The following TRPM2 variants were observed in gnomAD, a reference collection of about 807,000 sequenced individuals.
The protein encoded by TRPM2 is estrogen-responsive element-associated gene 1 protein.
TRPM2 carries 161 observed loss-of-function variants against 174.0 expected under a neutral mutation model. The observed-to-expected ratio is 0.93, with a 90% CI of 0.81 to 1.05. The LOEUF is 1.05. Ranked by LOEUF, TRPM2 falls within the 50% of genes least tolerant of loss-of-function variation. The pLI is 0.00. For missense variants in TRPM2, 2,057 were observed against 2,038.0 expected (o/e 1.01, Z -0.18); for synonymous variants, 954 against 861.3 (o/e 1.11, Z -1.88).
At position 44,377,694 on chromosome 21, in the gene TRPM2, G is replaced by C. The variant is rs2048746737; in HGVS notation, c.953-18G>C. ...TTTGTTTAGGTGTGGCCCTCACTCG[G>C]CTGTGTGCTTTTTCTAGGTGTGGCC... On this transcript the variant is annotated intron_variant, in intron 6 of 31. Transcript: ENST00000397928. 1 of 1,613,728 alleles carries C rather than the reference G, an allele frequency of 6.2e-7. No individual in the cohort carries two copies.
chr21:44,391,747 A>G lies in TRPM2; in HGVS notation c.1794+122A>G. The G allele has an allele frequency of 2.1e-6, 2 of 971,202 alleles. No individual in the cohort carries two copies. The highest frequency in any genetic ancestry group is 2.9e-6 in the Non-Finnish European group (2 of 682,628). The allele number at this position is 971,202 out of a possible 1,614,324, so 60.2% of individuals were successfully genotyped here. ...TTAGAAAAGACACATGCTCTATCTT[A>G]GGCTGCTTGGGCTGCTGTAACAAAA... On this transcript the variant is annotated intron_variant, in intron 11 of 31. Coordinates refer to ENST00000397928, the MANE Select transcript of TRPM2 (RefSeq NM_003307.4). The surrounding 1 kb of genome is among the most constrained non-coding windows in gnomAD (Gnocchi z 5.0).
chr21:44,421,249 C>T (rs1047918470), intron 22 of TRPM2, among the ~76,000 whole-genome samples: 46 of 151,724 alleles, frequency 3.0e-4, no homozygotes, highest in African/African-American at 1.0e-3. Flanking sequence ...ACCCAGGAGG[C>T]GGAGGTTGCA....
intron 19 of TRPM2, among the ~76,000 whole-genome samples, chr21:44,409,990 G>A (rs562021879): frequency 5.3e-5 from 8 of 151,248 alleles, no homozygotes; most frequent in African/African-American, 1.5e-4. Context: ...CTTGGTTGGC[G>A]TAGCCTTGTA....
intron 4 of TRPM2, among the ~76,000 whole-genome samples, chr21:44,368,277 G>A (rs549788595): frequency 6.6e-6 from 1 of 152,220 alleles, no homozygotes; most frequent in African/African-American, 2.4e-5. Flanking sequence ...ATGCCACCAT[G>A]CCAGGCTAAT....
intron 19 of TRPM2, among the ~76,000 whole-genome samples, chr21:44,413,383 T>A (rs2050170393): frequency 6.6e-6 from 1 of 151,916 alleles, no homozygotes; most frequent in African/African-American, 2.4e-5. Flanking sequence ...GCTGGGATTA[T>A]AGGCGCCCGC....
At chr21:44,368,123 CATCT>C (rs757411683) in intron 4 of TRPM2, among the ~76,000 whole-genome samples, 8 of 152,304 alleles carry the variant, frequency 5.3e-5, no homozygotes, top group Non-Finnish European at 5.9e-5. Flanking sequence ...TCCATCCATC[CATCT>C]ATTTATTTTT....
chr21:44,363,833 TC>T (rs1342882659), intron 2 of TRPM2, among the ~76,000 whole-genome samples: 1 of 151,806 alleles, frequency 6.6e-6, no homozygotes, highest in Non-Finnish European at 1.5e-5. Flanking sequence ...AGGAAGGAGG[TC>T]CCCCCATCAC....
At chr21:44,440,109 G>A (rs886737418) in intron 30 of TRPM2, among the ~76,000 whole-genome samples, 4 of 151,246 alleles carry the variant, frequency 2.6e-5, no homozygotes, top group African/African-American at 7.3e-5. Flanking sequence ...GGCTGAGGTG[G>A]GTAGATCACT....
At chr21:44,403,760 C>T (rs1369637627) in intron 16 of TRPM2, among the ~76,000 whole-genome samples, 1 of 151,382 alleles carries the variant, frequency 6.6e-6, no homozygotes, top group African/African-American at 2.4e-5. Flanking sequence ...CACACACATG[C>T]ATACACATAT....
chr21:44,369,298 C>G lies in TRPM2; in HGVS notation c.726C>G (p.Ala242=). The G allele has an allele frequency of 4.3e-6, 7 of 1,613,670 alleles. No homozygotes were observed. Among genetic ancestry groups the G allele is most frequent in the Non-Finnish European group, 5.9e-6 (7 of 1,179,866 alleles). The change falls in exon 5 of 32, where the codon GCC becomes GCG. Residue 242 remains alanine (A), a synonymous_variant. Coordinates refer to ENST00000397928, the MANE Select transcript of TRPM2 (RefSeq NM_003307.4). Reference sequence around the variant, plus strand: ...GCGAGCTCATCACCATCGGAGTCGCCACCTGGGGCACTGTCCACCGCCGCG... The same window carrying G: ...GCGAGCTCATCACCATCGGAGTCGCGACCTGGGGCACTGTCCACCGCCGCG... ...KEGELITIGV[A]TWGTVHRREG...
At position 44,395,406 on chromosome 21, in the gene TRPM2, C is replaced by A. The variant is rs1408079348; in HGVS notation, c.1795-8C>A. On this transcript the variant is annotated splice_region_variant and splice_polypyrimidine_tract_variant and intron_variant, in intron 11 of 31. Transcript: ENST00000397928. ...CGGCTGGGGCTCTGACAGTTCACTG[C>A]TCACCAGGTGCAGGGAGTGAGCCTC... 6.2e-7 allele frequency: 1 copy of A among 1,612,272 alleles called. No homozygotes were observed. The highest frequency in any genetic ancestry group is 8.5e-7 in the Non-Finnish European group (1 of 1,179,800).
chr21:44,418,403 C>G lies in TRPM2; in HGVS notation c.3329-20C>G, dbSNP rs988702299. 1.9e-6 allele frequency: 3 copies of G among 1,612,738 alleles called. No homozygotes were observed. The highest frequency in any genetic ancestry group is 2.5e-6 in the Non-Finnish European group (3 of 1,179,142). On this transcript the variant is annotated intron_variant, in intron 21 of 31. Transcript: ENST00000397928. ...TCCTGAGGATTCCAGGTCCCCTGGT[C>G]TGTCCGCCCACCCTGACAGAGAACA...
chr21:44,383,648 AAGAT>A lies in TRPM2; in HGVS notation c.1318+834_1318+837del, dbSNP rs914362831. ...CCTTAATTTATCTCTCAATAGATTT[AAGAT>A]AGATATTATACAAATTATCTTCTCT... On this transcript the variant is annotated intron_variant, in intron 9 of 31. Transcript: ENST00000397928. 3.0e-4 allele frequency among the ~76,000 whole-genome samples: 46 copies of A among 152,372 alleles called. No homozygotes were observed. In the Middle Eastern group the frequency reaches 0.01, roughly 34 times the overall value.
rs540417896 is a variant in TRPM2 at position 44,404,139 on chromosome 21, A to T, written c.2539-1003A>T. On this transcript the variant is annotated intron_variant, in intron 16 of 31. Coordinates refer to ENST00000397928, the MANE Select transcript of TRPM2 (RefSeq NM_003307.4). ...CACATGAATGAACATACACATATGA[A>T]CACACACATACAGACACATACACAT... Among the ~76,000 whole-genome samples, 614 of 141,168 alleles carry T rather than the reference A, an allele frequency of 4.3e-3. 7 individuals are homozygous for T. Among genetic ancestry groups the T allele is most frequent in the African/African-American group, 0.017 (566 of 32,486 alleles). 92.6% of individuals were successfully genotyped at this position (141,168 alleles called of 152,430 possible). A position where few individuals can be genotyped will look rare whatever the true frequency, so the allele number is the denominator to read the frequency against.
intron 27 of TRPM2, among the ~76,000 whole-genome samples, 177 bp downstream of exon 27, chr21:44,427,288 G>A (rs2050836764): frequency 6.6e-6 from 1 of 152,250 alleles, no homozygotes; most frequent in African/African-American, 2.4e-5. Flanking sequence ...CCAGGACTGG[G>A]CTTGGGGGCG....
At position 44,401,801 on chromosome 21, in the gene TRPM2, C is replaced by T; in HGVS notation, c.2442C>T (p.Ala814=). 1.2e-6 allele frequency: 2 copies of T among 1,613,920 alleles called. No homozygotes were observed. The highest frequency in any genetic ancestry group is 8.5e-7 in the Non-Finnish European group (1 of 1,180,010). Residue 814 remains alanine, a synonymous_variant, in exon 16 of 32, where the codon GCC becomes GCT. Coordinates refer to ENST00000397928, the MANE Select transcript of TRPM2 (RefSeq NM_003307.4). ...LSYFAFLCLF[A]YVLMVDFQPV... ...ACTTCGCCTTCCTCTGCCTGTTCGC[C>T]TACGTGCTCATGGTGGACTTCCAGC...
rs764271519 is a variant in TRPM2, at chr21:44,379,097, C to T, written c.1115C>T (p.Ser372Leu). ...GCCCAGGTGGCCAACCTGCCTGTCTCGGACATCACTATCTCCCTGATCCAG... is the reference window on the plus strand; with the variant it reads ...GCCCAGGTGGCCAACCTGCCTGTCTTGGACATCACTATCTCCCTGATCCAG... ...VIAQVANLPV[S>L]DITISLIQQK... is the part of the protein sequence containing the mutation. The change falls in exon 8 of 32, where the codon TCG (serine) becomes TTG (leucine). Residue 372 changes from serine to leucine, a missense_variant. Ser to Leu is a moderately radical substitution (Grantham distance 145, BLOSUM62 -2). Transcript: ENST00000397928. 9.3e-6 allele frequency: 15 copies of T among 1,613,308 alleles called. No individual in the cohort carries two copies. The highest frequency in any genetic ancestry group is 5.3e-5 in the African/African-American group (4 of 74,932).
Position 44,405,226 on chromosome 21 carries a change from G to T in TRPM2, c.2623G>T (p.Ala875Ser). The stretch of plus-strand genomic sequence containing the variant: ...CTTCTGGAATAAGCTGGACGTCGGC[G>T]CAATCTTGCTCTTCGTGGCAGGGCT... ...SDFWNKLDVG[A>S]ILLFVAGLTC... The change falls in exon 17 of 32, where the codon GCA (alanine) becomes TCA (serine). Residue 875 changes from alanine to serine, a missense_variant. Transcript: ENST00000397928. The T allele has an allele frequency of 1.2e-6, 2 of 1,613,360 alleles. No homozygotes were observed. The highest frequency in any genetic ancestry group is 8.5e-7 in the Non-Finnish European group (1 of 1,179,964).
rs540682769 is a variant in TRPM2, at chr21:44,403,848, G to C, written c.2539-1294G>C. On this transcript the variant is annotated intron_variant, in intron 16 of 31. Coordinates refer to ENST00000397928, the MANE Select transcript of TRPM2 (RefSeq NM_003307.4). ...ACACACATGCATACACACATTACAC[G>C]TGTGCATACACACAAATATACACAT... Among the ~76,000 whole-genome samples, 9 of 148,346 alleles carry C rather than the reference G, an allele frequency of 6.1e-5. No individual in the cohort carries two copies. The East Asian group carries it at 1.6e-3, about 27-fold the overall frequency.
Sources: gnomAD v4.1 joint callset for allele counts (sites outside exome capture counted in the v4.1 genomes callset) on GRCh38, gnomAD v4.1.1 for gene constraint, Gnocchi (gnomAD v3.1) non-coding constraint, MANE v1.5 for transcripts, NCBI Gene and HGNC (gene_info 2026-07-23, HGNC 2026-07-21) for gene names.